FUT8: variants seen among roughly 807,000 people sequenced by gnomAD.
FUT8 encodes the protein alpha-(1,6)-fucosyltransferase.
FUT8 carries 29 observed loss-of-function variants against 71.3 expected under a neutral mutation model. The observed-to-expected ratio is 0.41, with a 90% CI of 0.30 to 0.55. The LOEUF is 0.55. Among genes scored for constraint, FUT8 ranks in the 20% least tolerant of loss-of-function variants. The pLI is 0.34. For missense variants in FUT8, 544 were observed against 702.1 expected (o/e 0.77, Z 2.55); for synonymous variants, 254 against 239.3 (o/e 1.06, Z -0.57).
At chr14:65,525,869 G>T (rs1211305082) in intron 2 of FUT8, among the ~76,000 whole-genome samples, 1 of 152,206 alleles carries the variant, frequency 6.6e-6, no homozygotes, top group African/African-American at 2.4e-5. Context: ...TAGTTGAGCA[G>T]TTTTGAGTGA....
intron 3 of FUT8, among the ~76,000 whole-genome samples, chr14:65,601,731 T>C (rs575341484): frequency 6.6e-6 from 1 of 152,294 alleles, no homozygotes; most frequent in East Asian, 1.9e-4. Context: ...TACTATATGA[T>C]GCCAGAAGAT....
chr14:65,665,727 A>G (rs1401600096), intron 6 of FUT8, among the ~76,000 whole-genome samples: 1 of 152,190 alleles, frequency 6.6e-6, no homozygotes, highest in Non-Finnish European at 1.5e-5. Flanking sequence ...TGTCATACAT[A>G]TACACCATGG....
chr14:65,412,534 C>G, upstream of FUT8: 1 of 357,674 alleles, frequency 2.8e-6, no homozygotes, highest in South Asian at 2.1e-5. Context: ...AGCCGCTGCC[C>G]TGCTGGAACT....
intron 3 of FUT8, among the ~76,000 whole-genome samples, chr14:65,604,220 A>G (rs1374536036): frequency 6.6e-6 from 1 of 151,884 alleles, no homozygotes; most frequent in African/African-American, 2.4e-5. Context: ...CAAAGAAACA[A>G]TGGATTTAAA....
At chr14:65,715,952 G>A (rs1895032003) in intron 7 of FUT8, among the ~76,000 whole-genome samples, 1 of 148,186 alleles carries the variant, frequency 6.7e-6, no homozygotes, top group African/African-American at 2.5e-5. Context: ...ACTCCAGCCT[G>A]GACAAGAGTG....
chr14:65,678,694 C>T (rs1266164863), intron 7 of FUT8, among the ~76,000 whole-genome samples: 1 of 152,200 alleles, frequency 6.6e-6, no homozygotes, highest in Non-Finnish European at 1.5e-5. Flanking sequence ...GGAATCTGAA[C>T]ATACCCCAGG....
intron 6 of FUT8, among the ~76,000 whole-genome samples, chr14:65,667,075 A>C (rs1892251951): frequency 6.6e-6 from 1 of 152,162 alleles, no homozygotes; most frequent in African/African-American, 2.4e-5. Context: ...CTGAGTGGAC[A>C]AAAGCTGGAA....
intron 1 of FUT8, among the ~76,000 whole-genome samples, chr14:65,432,640 A>G (rs1164354346): frequency 6.6e-6 from 1 of 152,160 alleles, no homozygotes; most frequent in Non-Finnish European, 1.5e-5. Flanking sequence ...TACAGGTCAT[A>G]AAGACCTTGC....
At chr14:65,497,564 A>T (rs968560977) in intron 2 of FUT8, among the ~76,000 whole-genome samples, 35 of 152,096 alleles carry the variant, frequency 2.3e-4, no homozygotes, top group Non-Finnish European at 2.9e-5. Context: ...ATTTGATGTA[A>T]TGAGCTTTCC....
intron 2 of FUT8, among the ~76,000 whole-genome samples, chr14:65,523,019 G>C (rs1157882528): frequency 6.6e-6 from 1 of 152,098 alleles, no homozygotes; most frequent in Non-Finnish European, 1.5e-5. Flanking sequence ...TGTTAATAGT[G>C]TCGCAATAAA....
chr14:65,433,431 A>G (rs2065506574), intron 1 of FUT8, among the ~76,000 whole-genome samples: 1 of 152,204 alleles, frequency 6.6e-6, no homozygotes, highest in African/African-American at 2.4e-5. Flanking sequence ...TTTGTTGTCA[A>G]CTTGTGAGAC....
At chr14:65,409,682 T>C (rs2065102924), upstream of FUT8, among the ~76,000 whole-genome samples, 1 of 152,250 alleles carries the variant, frequency 6.6e-6, no homozygotes, top group Non-Finnish European at 1.5e-5. This position sits in a 1 kb window ranked among gnomAD's most constrained non-coding sequence, Gnocchi z 5.4. Flanking sequence ...ATCTTTTCCA[T>C]AGTCTAAGGG....
intron 2 of FUT8, among the ~76,000 whole-genome samples, chr14:65,512,988 T>A (rs902833275): frequency 6.6e-6 from 1 of 152,188 alleles, no homozygotes; most frequent in South Asian, 2.1e-4. Context: ...TACTCTTTCT[T>A]TCCTTTAGAG....
chr14:65,609,504 A>C (rs1888765466), intron 3 of FUT8, among the ~76,000 whole-genome samples: 1 of 151,706 alleles, frequency 6.6e-6, no homozygotes, highest in Non-Finnish European at 1.5e-5. Flanking sequence ...TGTTGTGAAA[A>C]CTGTCTGCTA....
the FUT8 span, among the ~76,000 whole-genome samples, chr14:65,389,735 G>A: frequency 6.6e-6 from 1 of 151,894 alleles, no homozygotes; most frequent in African/African-American, 2.4e-5. Context: ...GATTACAGGT[G>A]TGAGCTACCA....
intron 2 of FUT8, among the ~76,000 whole-genome samples, chr14:65,512,736 C>T (rs1489477263): frequency 6.6e-6 from 1 of 151,632 alleles, no homozygotes; most frequent in Non-Finnish European, 1.5e-5. Flanking sequence ...TGGTGAAACC[C>T]CGTCTCTATT....
upstream of FUT8, among the ~76,000 whole-genome samples, chr14:65,408,138 T>C (rs2065094364): frequency 6.6e-6 from 1 of 152,180 alleles, no homozygotes; most frequent in Admixed American, 6.5e-5. Context: ...CAAAGGTGTA[T>C]TTCTTATTAA....
At chr14:65,514,872 C>T (rs1882606045) in intron 2 of FUT8, among the ~76,000 whole-genome samples, 1 of 152,098 alleles carries the variant, frequency 6.6e-6, no homozygotes. Flanking sequence ...TAATGCCTAC[C>T]TTACAAATTG....
intron 2 of FUT8, among the ~76,000 whole-genome samples, chr14:65,523,969 A>C (rs1883265946): frequency 1.3e-5 from 2 of 152,144 alleles, no homozygotes; most frequent in Admixed American, 1.3e-4. Flanking sequence ...TGTTTTGGTT[A>C]CTGTAGCCTT....
Sources: allele counts gnomAD v4.1 joint callset (sites outside exome capture counted in the v4.1 genomes callset), GRCh38; gene constraint gnomAD v4.1.1; non-coding constraint Gnocchi (gnomAD v3.1); transcripts MANE v1.5; gene names NCBI Gene and HGNC (gene_info 2026-07-23, HGNC 2026-07-21).